Variants in VTI1A observed in about 807,000 individuals in gnomAD.
VTI1A encodes the protein vesicle transport through interaction with t-SNAREs 1A.
VTI1A carries 22 observed loss-of-function variants against 34.9 expected under a neutral mutation model. The ratio of observed to expected loss-of-function variants is 0.63; its 90% CI spans 0.45 to 0.90. The LOEUF (loss-of-function observed/expected upper bound fraction) is 0.90, where lower values mean the gene tolerates loss of function less well. VTI1A is among the 40% of genes least tolerant of loss of function. The probability of loss-of-function intolerance (pLI) is 0.00; values close to 1 mark genes in which losing one functional copy is unlikely to be tolerated. For synonymous variants in VTI1A, 87 were observed against 97.3 expected (o/e 0.89, Z 0.62); for missense variants, 268 against 275.6 (o/e 0.97, Z 0.20).
chr10:112,775,064 T>C (rs952722555), intron 7 of VTI1A, among the ~76,000 whole-genome samples: 1 of 152,176 alleles, frequency 6.6e-6, no homozygotes, highest in Non-Finnish European at 1.5e-5. Context: ...CGTCGGTCAG[T>C]TAGCTGAGTG....
intron 4 of VTI1A, among the ~76,000 whole-genome samples, chr10:112,528,930 T>C (rs1850336261): frequency 6.6e-6 from 1 of 152,160 alleles, no homozygotes; most frequent in African/African-American, 2.4e-5. Context: ...AACATTTGCC[T>C]TGCGTACATA....
the VTI1A span, among the ~76,000 whole-genome samples, chr10:112,851,613 C>T: frequency 1.3e-5 from 2 of 152,098 alleles, no homozygotes; most frequent in Non-Finnish European, 2.9e-5. Flanking sequence ...CCAGCAAAGT[C>T]CACCCAGGAA....
intron 3 of VTI1A, among the ~76,000 whole-genome samples, chr10:112,494,753 A>G (rs1475810201): frequency 1.3e-5 from 2 of 152,188 alleles, no homozygotes; most frequent in Non-Finnish European, 2.9e-5. Flanking sequence ...AACTCAAGTG[A>G]TACACCTGCC....
At chr10:112,845,485 T>C in the VTI1A span, among the ~76,000 whole-genome samples, 2 of 152,170 alleles carry the variant, frequency 1.3e-5, no homozygotes, top group Non-Finnish European at 2.9e-5. Flanking sequence ...AATGCCTGGC[T>C]CTAGAGAAAT....
chr10:112,710,310 T>C (rs551579714), intron 7 of VTI1A, among the ~76,000 whole-genome samples: 20 of 150,116 alleles, frequency 1.3e-4, no homozygotes, highest in Non-Finnish European at 2.8e-4. Context: ...TGGGTTCAAA[T>C]GATTCTCCTG....
At position 112,811,712 on chromosome 10, in the gene VTI1A, A is replaced by ATAT. The variant is rs67154330; in HGVS notation, c.561-3578_561-3577insTAT. Among the ~76,000 whole-genome samples, 7 of 84,046 alleles carry ATAT rather than the reference A, an allele frequency of 8.3e-5. 3 individuals are homozygous for ATAT. In the South Asian group the frequency reaches 1.2e-3, roughly 14 times the overall value. 55.1% of individuals were successfully genotyped at this position (84,046 alleles called of 152,430 possible). A position where few individuals can be genotyped will look rare whatever the true frequency, so the allele number is the denominator to read the frequency against. ...AAAAAAAAAAAAAAAAAAAAAAAAAAGAGTGCAGTCCATGCCTGGAAGTAG... is the reference window on the plus strand; with the variant it reads ...AAAAAAAAAAAAAAAAAAAAAAAAAATATGAGTGCAGTCCATGCCTGGAAGTAG... On this transcript the variant is annotated intron_variant, in intron 7 of 7. Transcript: ENST00000393077.
At chr10:112,643,259 A>C (rs1010670741) in intron 5 of VTI1A, among the ~76,000 whole-genome samples, 2 of 149,014 alleles carry the variant, frequency 1.3e-5, no homozygotes, top group Non-Finnish European at 3.0e-5. Flanking sequence ...TCAGCCTCCC[A>C]AAGTGCTGGG....
At chr10:112,701,927 G>A (rs1206385360) in intron 7 of VTI1A, among the ~76,000 whole-genome samples, 1 of 152,178 alleles carries the variant, frequency 6.6e-6, no homozygotes, top group Non-Finnish European at 1.5e-5. Flanking sequence ...AGAGAAAGGG[G>A]CAGTAAGTGA....
At chr10:112,592,039 A>C (rs1844410499) in intron 5 of VTI1A, among the ~76,000 whole-genome samples, 1 of 152,202 alleles carries the variant, frequency 6.6e-6, no homozygotes, top group African/African-American at 2.4e-5. Flanking sequence ...GTGACGTGGA[A>C]GGTAGACAGT....
At chr10:112,531,402 A>T (rs1174712312) in intron 4 of VTI1A, among the ~76,000 whole-genome samples, 2 of 151,936 alleles carry the variant, frequency 1.3e-5, no homozygotes. Context: ...CACGACTTAC[A>T]GTCCAGTCTA....
intron 3 of VTI1A, among the ~76,000 whole-genome samples, chr10:112,478,577 C>T (rs773235611): frequency 2.1e-4 from 32 of 152,158 alleles, no homozygotes; most frequent in Admixed American, 1.1e-3. Flanking sequence ...TGAAATCTTC[C>T]ATCTCATTCT....
chr10:112,694,282 CTGCT>C (rs1027131611), intron 7 of VTI1A, among the ~76,000 whole-genome samples: 57 of 152,114 alleles, frequency 3.7e-4, no homozygotes, highest in African/African-American at 1.3e-3. Context: ...AGCCTTAAAG[CTGCT>C]TGAGGGCAAG....
chr10:112,448,126 C>G (rs1371658246), intron 1 of VTI1A, among the ~76,000 whole-genome samples: 2 of 152,166 alleles, frequency 1.3e-5, no homozygotes, highest in African/African-American at 4.8e-5. Context: ...GAAAATTGTA[C>G]TTCTCTCATG....
chr10:112,776,819 A>G (rs1307762629), intron 7 of VTI1A, among the ~76,000 whole-genome samples: 4 of 151,806 alleles, frequency 2.6e-5, no homozygotes, highest in African/African-American at 7.3e-5. Flanking sequence ...CTGGGACTAC[A>G]AGTGCGCACC....
At chr10:112,813,065 G>A (rs1341978833) in intron 7 of VTI1A, among the ~76,000 whole-genome samples, 3 of 152,226 alleles carry the variant, frequency 2.0e-5, no homozygotes, top group Admixed American at 6.5e-5. Flanking sequence ...TGTGCCATGT[G>A]CTGGGGTGGT....
Position 112,613,266 on chromosome 10 carries a change from G to A in VTI1A, c.428-54952G>A, listed in dbSNP as rs962821148. Among the ~76,000 whole-genome samples, 14 of 152,186 alleles carry A rather than the reference G, an allele frequency of 9.2e-5. No individual in the cohort carries two copies. In the South Asian group the frequency reaches 1.5e-3, roughly 16 times the overall value. ...GGTCTTTTTAAAAAGTTACAATTGT[G>A]CATCTTTCGTGAAGGTTAACATTTT... On this transcript the variant is annotated intron_variant, in intron 5 of 7. Coordinates refer to ENST00000393077, the MANE Select transcript of VTI1A (RefSeq NM_145206.4).
intron 7 of VTI1A, among the ~76,000 whole-genome samples, chr10:112,680,661 AAAC>A (rs1239752391): frequency 6.6e-6 from 1 of 152,238 alleles, no homozygotes; most frequent in Non-Finnish European, 1.5e-5. Context: ...ACATTTTAAG[AAAC>A]AACAATACAT....
At chr10:112,477,575 A>C (rs567980027) in intron 3 of VTI1A, among the ~76,000 whole-genome samples, 1 of 152,262 alleles carries the variant, frequency 6.6e-6, no homozygotes, top group Admixed American at 6.5e-5. Flanking sequence ...TTCTTTTATT[A>C]GTCATGAAGA....
At chr10:112,697,399 C>CTTTTTTTT (rs57723783) in intron 7 of VTI1A, among the ~76,000 whole-genome samples, 1 of 114,044 alleles carries the variant, frequency 8.8e-6, no homozygotes, top group African/African-American at 4.1e-5. Context: ...CTTTTCTTTT[C>CTTTTTTTT]TTTTTTTTTT....
Sources: gnomAD v4.1 joint callset for allele counts (sites outside exome capture counted in the v4.1 genomes callset) on GRCh38, gnomAD v4.1.1 for gene constraint, MANE v1.5 for transcripts, NCBI Gene and HGNC (gene_info 2026-07-23, HGNC 2026-07-21) for gene names.